NAALADL2: variants seen among roughly 807,000 people sequenced by gnomAD.
NAALADL2 encodes inactive N-acetylated-alpha-linked acidic dipeptidase-like protein 2.
A neutral mutation model predicts 87.2 loss-of-function variants in NAALADL2; 76 were observed. That is an observed-to-expected ratio of 0.87 (90% CI 0.72 to 1.05). The LOEUF is 1.05. NAALADL2 is among the 50% of genes least tolerant of loss of function. NAALADL2 has a pLI of 0.00. For missense variants in NAALADL2, 1,089 were observed against 945.8 expected, an observed-to-expected ratio of 1.15 and a Z score of -1.99; for synonymous variants, 354 against 331.0, an observed-to-expected ratio of 1.07 and a Z score of -0.75.
chr3:174,566,948 T>G (rs1241125802), intron 2 of NAALADL2, among the ~76,000 whole-genome samples: 1 of 151,736 alleles, frequency 6.6e-6, no homozygotes, highest in Non-Finnish European at 1.5e-5. Flanking sequence ...AAATTCTGCT[T>G]GGATAAGTAT....
rs112765876 is a variant in NAALADL2 at position 175,002,212 on chromosome 3, C to T, written c.44-94578C>T. Among the ~76,000 whole-genome samples, 1,165 of 152,212 alleles carry T rather than the reference C, an allele frequency of 7.7e-3. 12 individuals carry two copies. Among genetic ancestry groups the T allele is most frequent in the Middle Eastern group, 0.027 (8 of 294 alleles). ...GATATTGTTGAAAAGGTCACAAAGA[C>T]TTGCAGATACCCCTATGGGTAACAG... is the stretch of plus-strand genomic sequence containing the variant. On this transcript the variant is annotated intron_variant, in intron 1 of 13. Coordinates refer to ENST00000454872, the MANE Select transcript of NAALADL2 (RefSeq NM_207015.3).
intron 9 of NAALADL2, among the ~76,000 whole-genome samples, chr3:175,573,504 G>C (rs1479709113): frequency 6.6e-6 from 1 of 152,224 alleles, no homozygotes; most frequent in Non-Finnish European, 1.5e-5. Context: ...TGAGACACTA[G>C]TGATGGATGT....
intron 2 of NAALADL2, among the ~76,000 whole-genome samples, chr3:175,193,971 A>G (rs1233543591): frequency 6.6e-6 from 1 of 151,954 alleles, no homozygotes; most frequent in Non-Finnish European, 1.5e-5. Context: ...GCAAAGTGCT[A>G]GCAGCCCTTT....
chr3:175,123,030 A>C (rs1726379221), intron 2 of NAALADL2, among the ~76,000 whole-genome samples: 1 of 151,936 alleles, frequency 6.6e-6, no homozygotes, highest in African/African-American at 2.4e-5. Flanking sequence ...CATGATAATG[A>C]CATTAATCCA....
At chr3:174,836,732 A>AAT (rs1723380367) in intron 3 of NAALADL2, among the ~76,000 whole-genome samples, 1 of 150,498 alleles carries the variant, frequency 6.6e-6, no homozygotes, top group South Asian at 2.1e-4. Context: ...AAAAAAAAAA[A>AAT]ATGCTTAAGA....
intron 9 of NAALADL2, among the ~76,000 whole-genome samples, chr3:175,473,356 A>G (rs1725175533): frequency 6.7e-6 from 1 of 149,832 alleles, no homozygotes; most frequent in Admixed American, 6.8e-5. Flanking sequence ...TTTGCACACT[A>G]ACAAATGTAA....
intron 2 of NAALADL2, among the ~76,000 whole-genome samples, chr3:175,228,505 T>A (rs1461593672): frequency 1.3e-5 from 2 of 151,010 alleles, no homozygotes; most frequent in Non-Finnish European, 3.0e-5. Flanking sequence ...ATAAGAGAAA[T>A]TCCCAAGGAA....
intron 10 of NAALADL2, among the ~76,000 whole-genome samples, chr3:175,600,637 A>T (rs1363592404): frequency 7.4e-6 from 1 of 135,466 alleles, no homozygotes; most frequent in Non-Finnish European, 1.5e-5. Context: ...TCCCAGGTTC[A>T]CGCCATTCTC....
intron 1 of NAALADL2, among the ~76,000 whole-genome samples, chr3:174,990,956 T>C (rs757784652): frequency 2.0e-5 from 3 of 152,196 alleles, no homozygotes; most frequent in Non-Finnish European, 2.9e-5. Context: ...TACAGAATCC[T>C]GTTCACTGTC....
chr3:175,305,857 T>C (rs978493837), intron 4 of NAALADL2, among the ~76,000 whole-genome samples: 4 of 152,204 alleles, frequency 2.6e-5, no homozygotes, highest in Admixed American at 2.0e-4. Context: ...TTACATAATA[T>C]ATACCTTCCA....
rs533906398 is a variant in NAALADL2 at position 174,879,243 on chromosome 3, A to G, written c.43+19793A>G. On this transcript the variant is annotated intron_variant, in intron 1 of 13. Coordinates refer to ENST00000454872, the MANE Select transcript of NAALADL2 (RefSeq NM_207015.3). ...CTACTTATTAAGGAACACCTTGACT[A>G]CAGACCACAGACAGTTTTAATTGCA... Among the ~76,000 whole-genome samples the G allele has an allele frequency of 3.9e-5, 6 of 152,262 alleles. No homozygotes were observed. The East Asian group carries it at 7.7e-4, about 20-fold the overall frequency.
At chr3:175,453,168 C>T (rs557175253) in intron 6 of NAALADL2, among the ~76,000 whole-genome samples, 3 of 152,154 alleles carry the variant, frequency 2.0e-5, no homozygotes, top group African/African-American at 7.2e-5. Flanking sequence ...TATCATTTTT[C>T]AAATACCTGT....
intron 5 of NAALADL2, among the ~76,000 whole-genome samples, chr3:175,330,676 A>T (rs1761290678): frequency 6.6e-6 from 1 of 152,186 alleles, no homozygotes; most frequent in South Asian, 2.1e-4. Flanking sequence ...AGGGAATTTC[A>T]TAGCAAAAAC....
chr3:175,769,964 C>A (rs1469053958), intron 13 of NAALADL2, among the ~76,000 whole-genome samples: 1 of 143,118 alleles, frequency 7.0e-6, no homozygotes, highest in African/African-American at 2.8e-5. Context: ...TTTTTTTTTT[C>A]TTGTTCAGGG....
intron 9 of NAALADL2, among the ~76,000 whole-genome samples, chr3:175,472,380 T>G (rs867409462): frequency 4.6e-5 from 7 of 152,290 alleles, no homozygotes; most frequent in African/African-American, 1.7e-4. Context: ...TTTTTCCTGT[T>G]TATTAGTAGA....
intron 4 of NAALADL2, among the ~76,000 whole-genome samples, chr3:175,259,525 G>A (rs1483258340): frequency 6.6e-6 from 1 of 152,176 alleles, no homozygotes; most frequent in Non-Finnish European, 1.5e-5. Context: ...GGGAAAGAAA[G>A]TTCTATTGCT....
intron 1 of NAALADL2, among the ~76,000 whole-genome samples, chr3:174,969,744 T>C (rs1381791130): frequency 6.6e-6 from 1 of 152,164 alleles, no homozygotes; most frequent in South Asian, 2.1e-4. Flanking sequence ...TTTTTCCTCA[T>C]TGTGCTCTCA....
At chr3:175,062,958 T>C (rs1296660428) in intron 1 of NAALADL2, among the ~76,000 whole-genome samples, 1 of 152,162 alleles carries the variant, frequency 6.6e-6, no homozygotes. Flanking sequence ...CAAAGAAACT[T>C]TGGTTTATTT....
chr3:174,553,838 A>G lies in NAALADL2; in HGVS notation c.-115+3201A>G, dbSNP rs151072476. On this transcript the variant is annotated intron_variant, in intron 2 of 3. Coordinates refer to the NAALADL2 transcript ENST00000434257. ...AGGAAATGAACAGTCTGGGCTTTCC[A>G]TTGTACATTCATTTTAGTAATGGGT... 3.1e-3 allele frequency among the ~76,000 whole-genome samples: 471 copies of G among 152,168 alleles called. 4 individuals carry two copies. Among genetic ancestry groups the G allele is most frequent in the African/African-American group, 0.011 (449 of 41,548 alleles).
Sources: gnomAD v4.1 joint callset for allele counts (sites outside exome capture counted in the v4.1 genomes callset) on GRCh38, gnomAD v4.1.1 for gene constraint, MANE v1.5 for transcripts, NCBI Gene and HGNC (gene_info 2026-07-23, HGNC 2026-07-21) for gene names.